The following HMBOX1 variants were observed in gnomAD, a reference collection of about 807,000 sequenced individuals.
HMBOX1 encodes the protein homeobox containing 1, also known as homeobox-containing protein 1.
Under a neutral mutation model 54.5 loss-of-function variants are expected in HMBOX1, and 14 were observed. That is an observed-to-expected ratio of 0.26 (90% CI 0.17 to 0.40). The LOEUF (loss-of-function observed/expected upper bound fraction) is 0.40, where lower values mean the gene tolerates loss of function less well. Ranked by LOEUF, HMBOX1 falls within the 10% of genes least tolerant of loss-of-function variation. The probability of loss-of-function intolerance (pLI) is 1.00; values close to 1 mark genes in which losing one functional copy is unlikely to be tolerated. For missense variants in HMBOX1, 332 were observed against 514.4 expected (o/e 0.65, Z 3.43); for synonymous variants, 160 against 181.0 (o/e 0.88, Z 0.93).
Position 28,970,491 on chromosome 8 carries a change from G to A in HMBOX1, c.472G>A (p.Val158Ile), listed in dbSNP as rs1408271925. ...TGAAGCCTCAGAAGAGGACCTAGAT[G>A]TAGATGATAAAGTGGAAGAATTAAT... ...SFEASEEDLD[V>I]DDKVEELMRR... The change falls in exon 3 of 10, where the codon GTA becomes ATA. Residue 158 changes from valine to isoleucine, a missense_variant. Around this residue, in one of 4 missense-constraint regions of HMBOX1, gnomAD observed 117 missense variants for 220.0 expected, o/e 0.53. Coordinates refer to ENST00000287701, the MANE Select transcript of HMBOX1 (RefSeq NM_001135726.3). This position sits in a 1 kb window ranked among gnomAD's most constrained non-coding sequence, Gnocchi z 4.3. 4 of 1,603,796 alleles carry A rather than the reference G, an allele frequency of 2.5e-6. No homozygotes were observed. Among genetic ancestry groups the A allele is most frequent in the Non-Finnish European group, 3.4e-6 (4 of 1,174,910 alleles).
intron 1 of HMBOX1, among the ~76,000 whole-genome samples, chr8:28,936,272 C>G (rs1209826235): frequency 1.3e-5 from 2 of 151,764 alleles, no homozygotes; most frequent in Non-Finnish European, 2.9e-5. Flanking sequence ...CATTTTTTTT[C>G]TCAGAAGAAC....
At chr8:29,035,776 C>G (rs965499481) in intron 6 of HMBOX1, among the ~76,000 whole-genome samples, 3 of 152,190 alleles carry the variant, frequency 2.0e-5, no homozygotes, top group African/African-American at 7.2e-5. Flanking sequence ...CAAATACTTG[C>G]TAAATTCAGC....
chr8:28,912,060 A>G (rs1173662603), intron 1 of HMBOX1, among the ~76,000 whole-genome samples: 3 of 152,352 alleles, frequency 2.0e-5, no homozygotes, highest in Middle Eastern at 3.4e-3. Flanking sequence ...CTATTTTATA[A>G]TAAAGTGTTG....
At chr8:28,892,739 A>G (rs1434014709) in intron 1 of HMBOX1, among the ~76,000 whole-genome samples, 1 of 151,490 alleles carries the variant, frequency 6.6e-6, no homozygotes, top group Non-Finnish European at 1.5e-5. Context: ...ACCTGAATAG[A>G]AAAAAAAATG....
chr8:29,012,993 A>T (rs541583908), intron 5 of HMBOX1, among the ~76,000 whole-genome samples: 4 of 152,314 alleles, frequency 2.6e-5, no homozygotes, highest in Non-Finnish European at 4.4e-5. Flanking sequence ...GAAAATGCAA[A>T]ATTAAGAAAA....
At chr8:29,008,563 A>C (rs939077262) in intron 4 of HMBOX1, among the ~76,000 whole-genome samples, 2 of 152,224 alleles carry the variant, frequency 1.3e-5, no homozygotes, top group African/African-American at 4.8e-5. Flanking sequence ...ATAAGCCAAA[A>C]AAAAACCTTA....
At chr8:29,037,088 G>A (rs1804004763) in intron 6 of HMBOX1, among the ~76,000 whole-genome samples, 1 of 152,120 alleles carries the variant, frequency 6.6e-6, no homozygotes, top group South Asian at 2.1e-4. Context: ...AAAACCTTAA[G>A]ATGCTGCAAA....
At chr8:29,044,661 T>C (rs1805318341) in intron 6 of HMBOX1, among the ~76,000 whole-genome samples, 2 of 152,198 alleles carry the variant, frequency 1.3e-5, no homozygotes, top group South Asian at 4.1e-4. Context: ...TTTTAAATTC[T>C]GTAATGGTAT....
At chr8:28,943,479 A>T (rs1156616945) in intron 1 of HMBOX1, among the ~76,000 whole-genome samples, 1 of 152,172 alleles carries the variant, frequency 6.6e-6, no homozygotes, top group Non-Finnish European at 1.5e-5. Flanking sequence ...GGCTCTGGTG[A>T]TAAGAATGTC....
intron 1 of HMBOX1, among the ~76,000 whole-genome samples, chr8:28,908,931 C>G (rs1408061586): frequency 6.6e-6 from 1 of 151,906 alleles, no homozygotes; most frequent in Non-Finnish European, 1.5e-5. Flanking sequence ...GATTCCATCT[C>G]TACAAAAAAT....
At chr8:28,945,261 T>C (rs1822218733) in intron 1 of HMBOX1, among the ~76,000 whole-genome samples, 1 of 152,220 alleles carries the variant, frequency 6.6e-6, no homozygotes, top group South Asian at 2.1e-4. Context: ...AAGATATCAT[T>C]GTCCACAATT....
At chr8:28,977,944 CAAA>C (rs60822229) in intron 3 of HMBOX1, among the ~76,000 whole-genome samples, 2 of 88,484 alleles carry the variant, frequency 2.3e-5, no homozygotes, top group Admixed American at 1.3e-4. Flanking sequence ...ACTCTGTCTC[CAAA>C]AAAAAAAAAA....
At position 29,009,145 on chromosome 8, in the gene HMBOX1, A is replaced by T; in HGVS notation, c.660A>T (p.Ala220=). The T allele has an allele frequency of 1.2e-6, 2 of 1,613,502 alleles. No homozygotes were observed. Among genetic ancestry groups the T allele is most frequent in the African/African-American group, 1.3e-5 (1 of 75,050 alleles). ...GSDLSEQKKR[A]FYRWYQLEKT... is the part of the protein sequence containing the mutation. ...ACCTGAGTGAACAGAAGAAAAGAGC[A>T]TTTTACCGATGGTATCAACTTGAGA... The change falls in exon 5 of 10, where the codon GCA becomes GCT. Residue 220 remains alanine, a synonymous_variant. Coordinates refer to ENST00000287701, the MANE Select transcript of HMBOX1 (RefSeq NM_001135726.3).
In HMBOX1 at chr8:28,970,429, A is replaced by G. The variant is rs774770015; in HGVS notation, c.410A>G (p.Tyr137Cys). The change falls in exon 3 of 10, where the codon TAC becomes TGC. Residue 137 changes from tyrosine (Y) to cysteine (C), a missense_variant. By Grantham distance (194) the Tyr-to-Cys change is radical. Coordinates refer to ENST00000287701, the MANE Select transcript of HMBOX1 (RefSeq NM_001135726.3). The surrounding 1 kb of genome is among the most constrained non-coding windows in gnomAD (Gnocchi z 4.3). ...AATGGAAAGATGTCACCAACTCGCT[A>G]CCATGCAAACAGCATGGGTCAGAGG... ...TSNGKMSPTR[Y>C]HANSMGQRSY... 1.9e-6 allele frequency: 3 copies of G among 1,614,048 alleles called. No individual in the cohort carries two copies. In the East Asian group the frequency reaches 6.7e-5, roughly 36 times the overall value.
chr8:28,903,156 T>C lies in HMBOX1; in HGVS notation c.-58+12478T>C, dbSNP rs528427068. ...AAGCTTTCTTTTACACACACACACA[T>C]ATACACAGAGAGAGAGAAGCAAAAC... On this transcript the variant is annotated intron_variant, in intron 1 of 9. Transcript: ENST00000287701. Among the ~76,000 whole-genome samples the C allele has an allele frequency of 1.1e-3, 161 of 152,080 alleles. 1 individual carries two copies. The highest frequency in any genetic ancestry group is 8.2e-4 in the African/African-American group (34 of 41,472).
At chr8:28,973,941 C>T (rs908425915) in intron 3 of HMBOX1, among the ~76,000 whole-genome samples, 4 of 150,148 alleles carry the variant, frequency 2.7e-5, no homozygotes, top group East Asian at 4.0e-4. Flanking sequence ...CAGTCTCCCT[C>T]GTAGCTGGGA....
At chr8:28,919,845 A>G (rs1817227261) in intron 1 of HMBOX1, among the ~76,000 whole-genome samples, 1 of 152,244 alleles carries the variant, frequency 6.6e-6, no homozygotes, top group African/African-American at 2.4e-5. Context: ...AAACAATAAA[A>G]TCCTATTTTA....
intron 1 of HMBOX1, chr8:28,950,061 A>T (rs926616049): frequency 6.6e-6 from 1 of 152,262 alleles, no homozygotes; most frequent in South Asian, 2.1e-4. Flanking sequence ...TTTATCTTCA[A>T]TTATGATTAA....
intron 6 of HMBOX1, among the ~76,000 whole-genome samples, chr8:29,023,637 A>G (rs377705603): frequency 2.0e-5 from 3 of 152,164 alleles, no homozygotes; most frequent in South Asian, 2.1e-4. Context: ...CCTGGGCTCA[A>G]GAGATCCACC....
Sources: gnomAD v4.1 joint callset for allele counts (sites outside exome capture counted in the v4.1 genomes callset) on GRCh38, gnomAD v4.1.1 for gene constraint, gnomAD v4.1.1 regional missense constraint, Gnocchi (gnomAD v3.1) non-coding constraint, MANE v1.5 for transcripts, NCBI Gene and HGNC (gene_info 2026-07-23, HGNC 2026-07-21) for gene names.